The following PDE1C variants were observed in gnomAD, a reference collection of about 807,000 sequenced individuals.
PDE1C encodes the protein phosphodiesterase 1C.
A neutral mutation model predicts 93.1 loss-of-function variants in PDE1C; 62 were observed. That is an observed-to-expected ratio of 0.67 (90% CI 0.54 to 0.82). The LOEUF (loss-of-function observed/expected upper bound fraction) is 0.82, where lower values mean the gene tolerates loss of function less well. Among genes scored for constraint, PDE1C ranks in the 40% least tolerant of loss-of-function variants. The pLI, the probability that PDE1C is intolerant of heterozygous loss-of-function variation, is 0.00. For missense variants in PDE1C, 742 were observed against 884.6 expected (o/e 0.84, Z 2.04); for synonymous variants, 325 against 310.1 (o/e 1.05, Z -0.50).
At chr7:32,364,474 G>A (rs978357512) in intron 1 of PDE1C, among the ~76,000 whole-genome samples, 1 of 152,186 alleles carries the variant, frequency 6.6e-6, no homozygotes, top group Non-Finnish European at 1.5e-5. Context: ...TCTGCCTGGA[G>A]CCAGGACGGA....
chr7:32,342,508 T>G (rs1363764523), intron 1 of PDE1C, among the ~76,000 whole-genome samples: 1 of 152,242 alleles, frequency 6.6e-6, no homozygotes, highest in African/African-American at 2.4e-5. Context: ...CATATACGTT[T>G]TAAATATGTA....
chr7:31,740,408 C>G, the PDE1C span, among the ~76,000 whole-genome samples: 2 of 152,144 alleles, frequency 1.3e-5, no homozygotes, highest in African/African-American at 2.4e-5. Context: ...TTTGATGAGT[C>G]TAAGTAAGAC....
At chr7:31,999,955 T>C (rs1584395002) in intron 2 of PDE1C, among the ~76,000 whole-genome samples, 1 of 151,394 alleles carries the variant, frequency 6.6e-6, no homozygotes, top group Non-Finnish European at 1.5e-5. Context: ...AGGCAGGGAG[T>C]TAGGGGGAGA....
intron 16 of PDE1C, among the ~76,000 whole-genome samples, chr7:31,800,496 T>G (rs1785867372): frequency 6.6e-6 from 1 of 151,596 alleles, no homozygotes; most frequent in Admixed American, 6.6e-5. Flanking sequence ...ATGACTATCA[T>G]TTTCCCTTGG....
chr7:32,414,659 A>G (rs1481802257), intron 1 of PDE1C, among the ~76,000 whole-genome samples: 6 of 152,324 alleles, frequency 3.9e-5, no homozygotes, highest in Middle Eastern at 6.8e-3. Flanking sequence ...AACTTCACAA[A>G]AAGTGGAGAG....
At chr7:32,324,286 A>G (rs1444614577) in intron 1 of PDE1C, among the ~76,000 whole-genome samples, 1 of 152,218 alleles carries the variant, frequency 6.6e-6, no homozygotes, top group Non-Finnish European at 1.5e-5. Context: ...TGCACATAGC[A>G]TGCCACAAGA....
At chr7:32,286,191 G>T (rs1207618454) in intron 1 of PDE1C, among the ~76,000 whole-genome samples, 1 of 152,180 alleles carries the variant, frequency 6.6e-6, no homozygotes, top group East Asian at 1.9e-4. Context: ...CTCTCATTGG[G>T]ATGTTAAGAG....
chr7:32,369,361 T>C (rs1784284120), intron 1 of PDE1C, among the ~76,000 whole-genome samples: 1 of 152,094 alleles, frequency 6.6e-6, no homozygotes, highest in African/African-American at 2.4e-5. Context: ...AATGAAGACA[T>C]ACAAATGGCC....
intron 1 of PDE1C, among the ~76,000 whole-genome samples, chr7:32,244,568 G>T (rs1340547013): frequency 6.6e-6 from 1 of 152,090 alleles, no homozygotes; most frequent in South Asian, 2.1e-4. Flanking sequence ...TCAATCTTGG[G>T]CACGGCTTTC....
At chr7:31,695,105 T>G in the PDE1C span, among the ~76,000 whole-genome samples, 15 of 151,946 alleles carry the variant, frequency 9.9e-5, no homozygotes, top group African/African-American at 3.6e-4. Context: ...AGAGCAAGTC[T>G]TGAGCAAAAA....
At chr7:32,209,493 G>A in exon 2 of PDE1C, 1 of 1,572,836 alleles carries the variant, frequency 6.4e-7, no homozygotes, top group Non-Finnish European at 8.6e-7. Context: ...ACTCACGAGA[G>A]AAGCGGGCCA....
chr7:32,334,814 A>G (rs911475723), intron 1 of PDE1C, among the ~76,000 whole-genome samples: 2 of 152,224 alleles, frequency 1.3e-5, no homozygotes, highest in Non-Finnish European at 2.9e-5. Flanking sequence ...GAGGACAGCC[A>G]TTCAAAATGT....
At chr7:31,908,464 C>T (rs897578100) in intron 2 of PDE1C, among the ~76,000 whole-genome samples, 5 of 152,160 alleles carry the variant, frequency 3.3e-5, no homozygotes, top group Non-Finnish European at 7.4e-5. Context: ...CCCACCACTG[C>T]AGGGCGCATC....
intron 6 of PDE1C, among the ~76,000 whole-genome samples, 169 bp from the exon 7 acceptor site, chr7:31,865,251 AT>A (rs1163195949): frequency 2.0e-5 from 3 of 152,206 alleles, no homozygotes; most frequent in Non-Finnish European, 4.4e-5. Flanking sequence ...TAATTTGAAA[AT>A]CTAACAGGAA....
chr7:32,376,384 G>T (rs78214257), intron 1 of PDE1C, among the ~76,000 whole-genome samples: 5,742 of 152,232 alleles, frequency 0.038, 288 homozygotes, highest in African/African-American at 0.11. Flanking sequence ...TTAATATGTG[G>T]TATCATGCTT....
chr7:31,628,448 CTTTTT>C, the PDE1C span, among the ~76,000 whole-genome samples: 3 of 143,566 alleles, frequency 2.1e-5, no homozygotes, highest in Non-Finnish European at 3.1e-5. Flanking sequence ...AGCGTGATTC[CTTTTT>C]TTTTTTTCTT....
intron 2 of PDE1C, among the ~76,000 whole-genome samples, chr7:31,915,445 A>C (rs1332782521): frequency 6.6e-6 from 1 of 152,188 alleles, no homozygotes; most frequent in Non-Finnish European, 1.5e-5. Flanking sequence ...AAATAACCTC[A>C]CTGTGAAAAT....
chr7:31,649,166 C>G, the PDE1C span, among the ~76,000 whole-genome samples: 1 of 152,232 alleles, frequency 6.6e-6, no homozygotes, highest in Non-Finnish European at 1.5e-5. Context: ...CAAAACCAAA[C>G]TCCAAAACCA....
intron 2 of PDE1C, among the ~76,000 whole-genome samples, chr7:31,898,569 G>A (rs1261770895): frequency 1.3e-5 from 2 of 152,106 alleles, no homozygotes; most frequent in Non-Finnish European, 2.9e-5. Flanking sequence ...GTCATAAACT[G>A]TATTAAAATG....
Sources: allele counts gnomAD v4.1 joint callset (sites outside exome capture counted in the v4.1 genomes callset), GRCh38; gene constraint gnomAD v4.1.1; transcripts MANE v1.5; gene names NCBI Gene and HGNC (gene_info 2026-07-23, HGNC 2026-07-21).